The following RGS6 variants were observed in gnomAD, a reference collection of about 807,000 sequenced individuals.
The protein encoded by RGS6 is regulator of G protein signaling 6, also known as regulator of G-protein signaling 6.
In RGS6, 30 loss-of-function variants were observed where a neutral mutation model predicts 78.5. The observed-to-expected ratio is 0.38, with a 90% CI of 0.29 to 0.52. The LOEUF is 0.52. Ranked by LOEUF, RGS6 falls within the 20% of genes least tolerant of loss-of-function variation. The pLI is 0.85. For missense variants in RGS6, 495 were observed against 609.7 expected, an observed-to-expected ratio of 0.81 and a Z score of 1.98; for synonymous variants, 206 against 206.0, an observed-to-expected ratio of 1.00 and a Z score of 0.00.
At chr14:72,107,065 A>G (rs1041275967) in intron 2 of RGS6, among the ~76,000 whole-genome samples, 4 of 152,092 alleles carry the variant, frequency 2.6e-5, no homozygotes, top group African/African-American at 9.7e-5. Context: ...TTTCATTTTC[A>G]TTTATTAGCT....
chr14:72,375,019 G>A lies in RGS6; in HGVS notation c.184+22825G>A, dbSNP rs142856844. 1.9e-3 allele frequency among the ~76,000 whole-genome samples: 296 copies of A among 152,262 alleles called. 9 individuals carry two copies. In the East Asian group the frequency reaches 0.052, roughly 27 times the overall value. ...CAGATTTGACACAGCTAAACAAAGA[G>A]TTGATAAACTAGAAGATAAAGCAGA... On this transcript the variant is annotated intron_variant, in intron 3 of 17. Coordinates refer to ENST00000553525, the MANE Select transcript of RGS6 (RefSeq NM_001204424.2).
intron 2 of RGS6, among the ~76,000 whole-genome samples, chr14:72,118,113 T>C (rs1241752626): frequency 6.6e-6 from 1 of 151,970 alleles, no homozygotes; most frequent in Non-Finnish European, 1.5e-5. Flanking sequence ...TGTGTGTACA[T>C]GAACATCCTT....
intron 3 of RGS6, among the ~76,000 whole-genome samples, chr14:72,382,794 A>G (rs573383146): frequency 5.0e-4 from 76 of 152,332 alleles, no homozygotes; most frequent in African/African-American, 1.8e-3. Context: ...ATTCAAAAAC[A>G]ATATTCCTGA....
intron 2 of RGS6, among the ~76,000 whole-genome samples, chr14:72,092,618 G>T (rs1434841620): frequency 1.3e-5 from 2 of 152,164 alleles, no homozygotes; most frequent in Non-Finnish European, 2.9e-5. Flanking sequence ...CTGACCTCAG[G>T]TGATCCACCT....
intron 3 of RGS6, among the ~76,000 whole-genome samples, chr14:72,374,539 C>T (rs1210813466): frequency 6.6e-6 from 1 of 152,204 alleles, no homozygotes; most frequent in East Asian, 1.9e-4. Flanking sequence ...TAAACTTTCT[C>T]TATTTCAGTA....
At chr14:72,149,502 G>A (rs956423175) in intron 2 of RGS6, among the ~76,000 whole-genome samples, 1 of 152,148 alleles carries the variant, frequency 6.6e-6, no homozygotes, top group African/African-American at 2.4e-5. Context: ...AGTGGTTGCT[G>A]TTGGCTGGCC....
At chr14:72,504,094 G>A (rs1211990610) in intron 13 of RGS6, among the ~76,000 whole-genome samples, 1 of 152,164 alleles carries the variant, frequency 6.6e-6, no homozygotes, top group African/African-American at 2.4e-5. Flanking sequence ...CTGGGCCTAT[G>A]GTGCAAGTGG....
intron 3 of RGS6, among the ~76,000 whole-genome samples, chr14:72,414,213 A>G (rs2093637329): frequency 6.6e-6 from 1 of 152,182 alleles, no homozygotes; most frequent in Non-Finnish European, 1.5e-5. Flanking sequence ...CACCAATCAG[A>G]CGTAGATTTG....
chr14:72,175,783 A>C (rs1055329782), intron 2 of RGS6, among the ~76,000 whole-genome samples: 1 of 152,172 alleles, frequency 6.6e-6, no homozygotes, highest in African/African-American at 2.4e-5. Flanking sequence ...TCTAAGTATC[A>C]GCTGAAATGC....
Position 72,115,713 on chromosome 14 carries a change from T to C in RGS6, c.84+150838T>C, listed in dbSNP as rs143098328. Among the ~76,000 whole-genome samples, 1,133 of 152,316 alleles carry C rather than the reference T, an allele frequency of 7.4e-3. 38 individuals carry two copies. The highest frequency in any genetic ancestry group is 0.063 in the Admixed American group (969 of 15,302). On this transcript the variant is annotated intron_variant, in intron 2 of 17. Coordinates refer to ENST00000553525, the MANE Select transcript of RGS6 (RefSeq NM_001204424.2). ...GACTATAGCTACTGCTTCAGTTCCTTCTTCCAAATGTCATATGAAATGCCT... is the reference window on the plus strand; with the variant it reads ...GACTATAGCTACTGCTTCAGTTCCTCCTTCCAAATGTCATATGAAATGCCT...
At chr14:72,255,776 CTT>C (rs1302824208) in intron 2 of RGS6, among the ~76,000 whole-genome samples, 1 of 152,146 alleles carries the variant, frequency 6.6e-6, no homozygotes, top group African/African-American at 2.4e-5. Context: ...ATTTGGAAAA[CTT>C]TTATTTGCAT....
chr14:72,144,997 G>A (rs1017087891), intron 2 of RGS6, among the ~76,000 whole-genome samples: 3 of 152,106 alleles, frequency 2.0e-5, no homozygotes, highest in African/African-American at 7.2e-5. Flanking sequence ...GGTCAGGTTG[G>A]AGATGGAATC....
the RGS6 span, among the ~76,000 whole-genome samples, chr14:71,905,344 A>T: frequency 1.3e-5 from 2 of 152,350 alleles, no homozygotes; most frequent in East Asian, 3.9e-4. Context: ...TTTCCAAGTA[A>T]GTGCATTGCA....
the RGS6 span, among the ~76,000 whole-genome samples, chr14:72,575,103 G>A: frequency 6.6e-6 from 1 of 152,168 alleles, no homozygotes; most frequent in Non-Finnish European, 1.5e-5. Context: ...GGATACAGCT[G>A]GCAGCCTAGG....
chr14:72,617,525 G>A, the RGS6 span, among the ~76,000 whole-genome samples: 1 of 152,146 alleles, frequency 6.6e-6, no homozygotes, highest in Non-Finnish European at 1.5e-5. Context: ...ATCCGGTCGG[G>A]GGCCCTTTAA....
At chr14:72,512,849 C>T (rs533162330) in intron 14 of RGS6, among the ~76,000 whole-genome samples, 139 of 152,366 alleles carry the variant, frequency 9.1e-4, no homozygotes, top group Middle Eastern at 3.4e-3. Flanking sequence ...ATCTTAGCAC[C>T]AACCGTGGCA....
chr14:72,518,365 T>G lies in RGS6; in HGVS notation c.1106T>G (p.Val369Gly), dbSNP rs760240652. 6 of 1,613,688 alleles carry G rather than the reference T, an allele frequency of 3.7e-6. No homozygotes were observed. The highest frequency in any genetic ancestry group is 5.1e-6 in the Non-Finnish European group (6 of 1,179,714). The change falls in exon 15 of 18, where the codon GTC becomes GGC. Residue 369 changes from valine to glycine, a missense_variant. By Grantham distance (109) the Val-to-Gly change is moderately radical. Coordinates refer to ENST00000553525, the MANE Select transcript of RGS6 (RefSeq NM_001204424.2). ...TCCCACTTCAGGTTCTGGCTGGCTG[T>G]CCAAGATCTTAAGAAACAACCCCTA... Reference protein sequence around the residue: ...SSENLRFWLAVQDLKKQPLQD... With the variant: ...SSENLRFWLAGQDLKKQPLQD...
At chr14:72,030,980 A>ATTT (rs10581212) in intron 2 of RGS6, among the ~76,000 whole-genome samples, 10 of 141,626 alleles carry the variant, frequency 7.1e-5, no homozygotes, top group Admixed American at 4.3e-4. Flanking sequence ...TTTAGCAACA[A>ATTT]TTTTTTTTTT....
chr14:72,279,461 C>T (rs2061231996), intron 2 of RGS6, among the ~76,000 whole-genome samples: 1 of 152,108 alleles, frequency 6.6e-6, no homozygotes, highest in South Asian at 2.1e-4. Context: ...CTTCTGCCTT[C>T]CAGATCCTCC....
Sources: allele counts gnomAD v4.1 joint callset (sites outside exome capture counted in the v4.1 genomes callset), GRCh38; gene constraint gnomAD v4.1.1; transcripts MANE v1.5; gene names NCBI Gene and HGNC (gene_info 2026-07-23, HGNC 2026-07-21).